Variants in SDC2 observed in about 807,000 individuals in gnomAD.
The protein encoded by SDC2 is syndecan-2.
In SDC2, 13 loss-of-function variants were observed where a neutral mutation model predicts 22.2. The ratio of observed to expected loss-of-function variants is 0.59; its 90% CI spans 0.38 to 0.93. The LOEUF (loss-of-function observed/expected upper bound fraction) is 0.93, where lower values mean the gene tolerates loss of function less well. SDC2 is among the 40% of genes least tolerant of loss of function. The pLI is 0.00. For synonymous variants in SDC2, 94 were observed against 92.8 expected (o/e 1.01, Z -0.07); for missense variants, 235 against 246.8 (o/e 0.95, Z 0.32).
At chr8:96,566,736 G>T (rs1009235830) in intron 1 of SDC2, among the ~76,000 whole-genome samples, 3 of 150,598 alleles carry the variant, frequency 2.0e-5, no homozygotes, top group Admixed American at 2.0e-4. Flanking sequence ...AAGTCATTCT[G>T]ACCTTATAAT....
At chr8:96,575,368 G>A (rs1814470248) in intron 1 of SDC2, among the ~76,000 whole-genome samples, 1 of 150,648 alleles carries the variant, frequency 6.6e-6, no homozygotes. Context: ...CGGGGTGGTG[G>A]GGGTAGGGTG....
At chr8:96,598,287 G>C (rs1387792111) in intron 2 of SDC2, among the ~76,000 whole-genome samples, 1 of 152,108 alleles carries the variant, frequency 6.6e-6, no homozygotes, top group Non-Finnish European at 1.5e-5. Context: ...ATTTTGGGGA[G>C]ACACATTCAT....
At chr8:96,559,259 A>G (rs571648154) in intron 1 of SDC2, among the ~76,000 whole-genome samples, 1 of 152,276 alleles carries the variant, frequency 6.6e-6, no homozygotes, top group Non-Finnish European at 1.5e-5. Context: ...GTGAGGCTTG[A>G]AAGATTTCAG....
chr8:96,596,129 T>C (rs532560973), intron 2 of SDC2, among the ~76,000 whole-genome samples: 24 of 152,360 alleles, frequency 1.6e-4, no homozygotes, highest in African/African-American at 5.5e-4. Context: ...CGAGAAAACC[T>C]GAGGCACAGA....
chr8:96,517,785 G>A (rs2514779), intron 1 of SDC2, among the ~76,000 whole-genome samples: 1 of 141,992 alleles, frequency 7.0e-6, no homozygotes, highest in East Asian at 2.1e-4. Context: ...GTGTGTGTGT[G>A]TGTGTGTGTG....
chr8:96,576,368 G>GTTTT (rs1481198542), intron 1 of SDC2, among the ~76,000 whole-genome samples: 173 of 16,560 alleles, frequency 0.01, 22 homozygotes, highest in African/African-American at 0.021. Flanking sequence ...TTGGTAGTTT[G>GTTTT]TTTTTGTTTT....
At chr8:96,549,171 C>G (rs182732177) in intron 1 of SDC2, among the ~76,000 whole-genome samples, 3 of 152,302 alleles carry the variant, frequency 2.0e-5, no homozygotes, top group Admixed American at 2.0e-4. Flanking sequence ...ACACCAGTTT[C>G]TCAGGAAAAC....
At chr8:96,546,612 C>T (rs2582840) in intron 1 of SDC2, among the ~76,000 whole-genome samples, 131,646 of 152,100 alleles carry the variant, frequency 0.87, 57,090 homozygotes, top group Middle Eastern at 0.9. Context: ...AGAAGCTCTT[C>T]GTAGAATGTG....
chr8:96,538,860 T>A (rs939163301), intron 1 of SDC2: 4 of 150,596 alleles, frequency 2.7e-5, no homozygotes, highest in African/African-American at 9.7e-5. Flanking sequence ...ACCTGTCCAC[T>A]AATCAAGGCG....
chr8:96,494,865 GAA>G (rs1176338784), intron 1 of SDC2, among the ~76,000 whole-genome samples: 1 of 152,218 alleles, frequency 6.6e-6, no homozygotes, highest in Non-Finnish European at 1.5e-5. Context: ...TGTCCAGAGA[GAA>G]AAGTTTGCAA....
intron 2 of SDC2, among the ~76,000 whole-genome samples, chr8:96,597,347 C>T (rs772499169): frequency 6.6e-6 from 1 of 152,096 alleles, no homozygotes; most frequent in African/African-American, 2.4e-5. Context: ...TCCAGTGAAA[C>T]GTACAGCTCT....
intron 1 of SDC2, among the ~76,000 whole-genome samples, chr8:96,516,122 G>A (rs1813398186): frequency 6.6e-6 from 1 of 152,176 alleles, no homozygotes. Flanking sequence ...TTTGAATGTA[G>A]CTGAAACATA....
At chr8:96,523,072 G>A (rs1206001619) in intron 1 of SDC2, among the ~76,000 whole-genome samples, 1 of 152,196 alleles carries the variant, frequency 6.6e-6, no homozygotes, top group Non-Finnish European at 1.5e-5. Context: ...TCTCCGAGGA[G>A]TTATTAATTC....
Position 96,602,414 on chromosome 8 carries a change from G to C in SDC2, c.192G>C (p.Glu64Asp). 1 of 1,614,070 alleles carries C rather than the reference G, an allele frequency of 6.2e-7. No homozygotes were observed. The highest frequency in any genetic ancestry group is 8.5e-7 in the Non-Finnish European group (1 of 1,179,950). ...TTCCAGGAGCTGATGAGGATGTAGA[G>C]AGTCCAGAGCTGACAACATCTCGAC... ...ASGSGADEDV[E>D]SPELTTSRPL... Residue 64 changes from glutamate (E) to aspartate (D), a missense_variant, in exon 3 of 5, where the codon GAG (glutamate) becomes GAC (aspartate). Glu to Asp is a conservative substitution (Grantham distance 45). Transcript: ENST00000302190.
At chr8:96,560,837 G>A (rs1814197354) in intron 1 of SDC2, among the ~76,000 whole-genome samples, 1 of 152,194 alleles carries the variant, frequency 6.6e-6, no homozygotes, top group Non-Finnish European at 1.5e-5. Context: ...CGGGCGTGAT[G>A]GCTCACGCTT....
chr8:96,500,661 C>CA (rs56672989), intron 1 of SDC2, among the ~76,000 whole-genome samples: 5,017 of 73,320 alleles, frequency 0.068, 290 homozygotes, highest in East Asian at 0.16. Context: ...GACTCCATCT[C>CA]AAAAAAAAAA....
At chr8:96,527,878 A>G (rs984636468) in intron 1 of SDC2, among the ~76,000 whole-genome samples, 1 of 152,212 alleles carries the variant, frequency 6.6e-6, no homozygotes, top group Admixed American at 6.5e-5. Flanking sequence ...TTGGAAGACT[A>G]TGTATATTAC....
In SDC2 at chr8:96,608,487, G is replaced by A. The variant is rs200410771; in HGVS notation, c.442+17G>A. The A allele has an allele frequency of 4.1e-4, 660 of 1,604,260 alleles. 2 individuals are homozygous for A. Among genetic ancestry groups the A allele is most frequent in the Middle Eastern group, 1.7e-3 (10 of 6,010 alleles). ...TCCTAGCAGGTGAGTAGCCTGGTGG[G>A]CCTCAGGTGGGAGGGTGCCTACATA... On this transcript the variant is annotated intron_variant, in intron 4 of 4. Coordinates refer to ENST00000302190, the MANE Select transcript of SDC2 (RefSeq NM_002998.4).
chr8:96,498,957 C>T (rs910101976), intron 1 of SDC2, among the ~76,000 whole-genome samples: 2 of 152,302 alleles, frequency 1.3e-5, no homozygotes, highest in East Asian at 1.9e-4. Context: ...GTTTGTCCTC[C>T]ACCACTTTGA....
Sources: gnomAD v4.1 joint callset for allele counts (sites outside exome capture counted in the v4.1 genomes callset) on GRCh38, gnomAD v4.1.1 for gene constraint, MANE v1.5 for transcripts, NCBI Gene and HGNC (gene_info 2026-07-23, HGNC 2026-07-21) for gene names.